MORN4: variants seen among roughly 807,000 people sequenced by gnomAD.
MORN4 encodes MORN repeat-containing protein 4.
Under a neutral mutation model 16.4 loss-of-function variants are expected in MORN4, and 8 were observed. The ratio of observed to expected loss-of-function variants is 0.49; its 90% CI spans 0.29 to 0.88. The LOEUF is 0.88. MORN4 is among the 40% of genes least tolerant of loss of function. The pLI is 0.09. For synonymous variants in MORN4, 53 were observed against 68.9 expected, an observed-to-expected ratio of 0.77 and a Z score of 1.14; for missense variants, 159 against 182.9, an observed-to-expected ratio of 0.87 and a Z score of 0.75.
chr10:97,629,341 G>A (rs567015823), intron 1 of MORN4, among the ~76,000 whole-genome samples: 14 of 152,256 alleles, frequency 9.2e-5, no homozygotes, highest in African/African-American at 2.4e-4. Flanking sequence ...AGCCAAGATC[G>A]CGCCATTGCA....
At chr10:97,622,437 G>C (rs535661159) in intron 1 of MORN4, among the ~76,000 whole-genome samples, 1 of 152,178 alleles carries the variant, frequency 6.6e-6, no homozygotes, top group East Asian at 1.9e-4. Context: ...TACAATCCCA[G>C]CACTTTGGGA....
At chr10:97,623,444 CA>C (rs1415212905) in intron 1 of MORN4, among the ~76,000 whole-genome samples, 8 of 150,434 alleles carry the variant, frequency 5.3e-5, no homozygotes, top group Admixed American at 6.6e-5. Context: ...TGTCCCCCTC[CA>C]AAAAAAAAGT....
intron 1 of MORN4, among the ~76,000 whole-genome samples, chr10:97,631,378 T>C (rs369750059): frequency 7.9e-5 from 12 of 152,190 alleles, no homozygotes; most frequent in African/African-American, 2.7e-4. Context: ...ATTACTATTC[T>C]GTCCCTGTAA....
At position 97,616,123 on chromosome 10, in the gene MORN4, G is replaced by T. The variant is rs777227368; in HGVS notation, c.*140C>A. ...TTTTCTGTGGTCCAGTTCTGGAATG[G>T]CAGGTGACAGGGCACATACAAGGCC... On this transcript the variant is annotated 3_prime_UTR_variant, in exon 5 of 5. Coordinates refer to ENST00000307450, the MANE Select transcript of MORN4 (RefSeq NM_178832.4). 2 of 803,710 alleles carry T rather than the reference G, an allele frequency of 2.5e-6. No individual in the cohort carries two copies. The highest frequency in any genetic ancestry group is 3.7e-6 in the Non-Finnish European group (2 of 542,874). 49.8% of individuals were successfully genotyped at this position (803,710 alleles called of 1,614,324 possible). A position where few individuals can be genotyped will look rare whatever the true frequency, so the allele number is the denominator to read the frequency against.
At chr10:97,623,860 C>T (rs945928455) in intron 1 of MORN4, among the ~76,000 whole-genome samples, 23 of 151,872 alleles carry the variant, frequency 1.5e-4, no homozygotes, top group African/African-American at 4.8e-4. Context: ...CTCAGCCTCC[C>T]GAGTAGCTGG....
intron 1 of MORN4, among the ~76,000 whole-genome samples, chr10:97,632,497 G>A (rs570231153): frequency 8.5e-5 from 13 of 152,204 alleles, no homozygotes; most frequent in African/African-American, 2.9e-4. Context: ...GATTACAGGC[G>A]TGAGCCACCG....
intron 1 of MORN4, among the ~76,000 whole-genome samples, chr10:97,632,741 G>T (rs1385840574): frequency 6.6e-6 from 1 of 151,580 alleles, no homozygotes; most frequent in South Asian, 2.1e-4. Context: ...TGATGACCTG[G>T]GGGTGATTGG....
intron 1 of MORN4, among the ~76,000 whole-genome samples, chr10:97,627,369 C>T (rs1434999920): frequency 6.6e-6 from 1 of 152,132 alleles, no homozygotes; most frequent in Non-Finnish European, 1.5e-5. Flanking sequence ...GTCTTGAACT[C>T]CTGGCCTCAT....
At chr10:97,619,742 A>C in intron 1 of MORN4, 59 bp from the exon 2 acceptor site, 1 of 1,389,912 alleles carries the variant, frequency 7.2e-7, no homozygotes, top group African/African-American at 1.4e-5. Flanking sequence ...AAAGGACTGC[A>C]AGGCAATTTT....
intron 1 of MORN4, among the ~76,000 whole-genome samples, chr10:97,627,098 G>A (rs368453758): frequency 6.6e-5 from 10 of 151,818 alleles, no homozygotes; most frequent in Non-Finnish European, 1.3e-4. Context: ...ACTGGTGCTG[G>A]TGACTTTGCT....
At chr10:97,617,411 C>T (rs1482775344) in intron 2 of MORN4, 89 bp from the exon 3 acceptor site, 6 of 931,582 alleles carry the variant, frequency 6.4e-6, no homozygotes, top group Non-Finnish European at 1.1e-5. Context: ...CCTGCCATCA[C>T]CCTACCCACA....
At chr10:97,626,410 C>A (rs536903539) in intron 1 of MORN4, among the ~76,000 whole-genome samples, 81 of 148,130 alleles carry the variant, frequency 5.5e-4, no homozygotes, top group African/African-American at 1.9e-3. Flanking sequence ...TAATCATAAT[C>A]ATAATCATAA....
At chr10:97,618,203 TAAC>T (rs1019717357) in intron 2 of MORN4, among the ~76,000 whole-genome samples, 1 of 148,228 alleles carries the variant, frequency 6.7e-6, no homozygotes, top group Non-Finnish European at 1.5e-5. Context: ...AATAAATAAA[TAAC>T]AATTGCTAAC....
intron 1 of MORN4, among the ~76,000 whole-genome samples, chr10:97,620,513 A>G (rs2041280661): frequency 1.4e-5 from 2 of 139,206 alleles, no homozygotes; most frequent in Non-Finnish European, 3.0e-5. Flanking sequence ...AAAAAGAAAA[A>G]AAAAAGAAAA....
At position 97,630,187 on chromosome 10, in the gene MORN4, G is replaced by A. The variant is rs1318384874; in HGVS notation, c.-31+3160C>T. On this transcript the variant is annotated intron_variant, in intron 1 of 4. Coordinates refer to ENST00000307450, the MANE Select transcript of MORN4 (RefSeq NM_178832.4). ...TGTGATCCGCCTGCCTCAGCCTCCC[G>A]AAGTGCTGGGATTACAGGCATGAGC... Among the ~76,000 whole-genome samples the A allele has an allele frequency of 4.0e-5, 6 of 151,826 alleles. No individual in the cohort carries two copies. The East Asian group carries it at 7.8e-4, about 20-fold the overall frequency.
At chr10:97,617,454 G>A in intron 2 of MORN4, 132 bp from the exon 3 acceptor site, 4 of 734,528 alleles carry the variant, frequency 5.4e-6, no homozygotes, top group South Asian at 4.7e-5. Flanking sequence ...CATTAGCAGG[G>A]CAGAGGATTA....
intron 1 of MORN4, among the ~76,000 whole-genome samples, chr10:97,623,972 G>A (rs1324527230): frequency 4.6e-5 from 7 of 151,888 alleles, no homozygotes; most frequent in Non-Finnish European, 5.9e-5. Context: ...TCCTGACCTC[G>A]TGATCCGCCC....
chr10:97,618,179 AAAATAAATAAAT>A (rs541560176), intron 2 of MORN4, among the ~76,000 whole-genome samples: 1 of 151,876 alleles, frequency 6.6e-6, no homozygotes, highest in South Asian at 2.1e-4. Flanking sequence ...ACTCCATCTC[AAAATAAATAAAT>A]AAATAAATAA....
chr10:97,630,390 TA>T (rs1400294266), intron 1 of MORN4, among the ~76,000 whole-genome samples: 1 of 152,170 alleles, frequency 6.6e-6, no homozygotes, highest in Non-Finnish European at 1.5e-5. Context: ...TTTAAGCTGC[TA>T]AATTCTGGGG....
Sources: gnomAD v4.1 joint callset for allele counts (sites outside exome capture counted in the v4.1 genomes callset) on GRCh38, gnomAD v4.1.1 for gene constraint, MANE v1.5 for transcripts, NCBI Gene and HGNC (gene_info 2026-07-23, HGNC 2026-07-21) for gene names.